The following GABRG3 variants were observed in gnomAD, a reference collection of about 807,000 sequenced individuals.
The protein encoded by GABRG3 is gamma-aminobutyric acid type A receptor subunit gamma3.
In GABRG3, 25 loss-of-function variants were observed where a neutral mutation model predicts 48.8. That is an observed-to-expected ratio of 0.51 (90% CI 0.37 to 0.72). The LOEUF (loss-of-function observed/expected upper bound fraction) is 0.72. GABRG3 is among the 30% of genes least tolerant of loss of function. The probability of loss-of-function intolerance (pLI) is 0.00; values close to 1 mark genes in which losing one functional copy is unlikely to be tolerated. For synonymous variants in GABRG3, 227 were observed against 217.6 expected, an observed-to-expected ratio of 1.04 and a Z score of -0.38; for missense variants, 394 against 577.9, an observed-to-expected ratio of 0.68 and a Z score of 3.26.
rs75066429 is a variant in GABRG3 at position 27,296,219 on chromosome 15, G to A, written c.271-30590G>A. Among the ~76,000 whole-genome samples, 714 of 152,252 alleles carry A rather than the reference G, an allele frequency of 4.7e-3. 8 individuals carry two copies. The highest frequency in any genetic ancestry group is 0.016 in the African/African-American group (674 of 41,518). On this transcript the variant is annotated intron_variant, in intron 3 of 9. Transcript: ENST00000615808. ...TTAAATCCACATGAAAAAGGCAAAG[G>A]CATGAGTAATGTGATTATGTAATTA...
intron 3 of GABRG3, among the ~76,000 whole-genome samples, chr15:27,200,747 T>C (rs1888654927): frequency 6.6e-6 from 1 of 152,098 alleles, no homozygotes; most frequent in Admixed American, 6.5e-5. Context: ...TATGGTGATG[T>C]CTCAATAACA....
rs554800509 is a variant in GABRG3 at position 27,540,856 on chromosome 15, T to A, written c.*7975T>A. On this transcript the variant is annotated 3_prime_UTR_variant, in exon 10 of 10. Transcript: ENST00000615808. ...TGTGTATTTGTGTCTGTACGTACAGTGGTAAAACTGAAACAACTTATTAAT... is the reference window on the plus strand; with the variant it reads ...TGTGTATTTGTGTCTGTACGTACAGAGGTAAAACTGAAACAACTTATTAAT... The A allele has an allele frequency of 6.6e-6, 1 of 152,188 alleles. No homozygotes were observed. 9.4% of individuals were successfully genotyped at this position (152,188 alleles called of 1,614,324 possible).
chr15:27,034,642 G>A (rs1896144377), intron 3 of GABRG3, among the ~76,000 whole-genome samples: 1 of 152,070 alleles, frequency 6.6e-6, no homozygotes, highest in African/African-American at 2.4e-5. Flanking sequence ...AAAGGCTTTC[G>A]AGCCTGAGAT....
At position 27,134,193 on chromosome 15, in the gene GABRG3, G is replaced by C. The variant is rs563968549; in HGVS notation, c.270+107372G>C. On this transcript the variant is annotated intron_variant, in intron 3 of 9. Transcript: ENST00000615808. ...CGAATGTTAGGAAATGGCCTTGGCTGTGAACATGATTGGCCTGAGACCAGG... is the reference window on the plus strand; with the variant it reads ...CGAATGTTAGGAAATGGCCTTGGCTCTGAACATGATTGGCCTGAGACCAGG... Among the ~76,000 whole-genome samples the C allele has an allele frequency of 6.7e-4, 102 of 152,162 alleles. 2 individuals carry two copies. The highest frequency in any genetic ancestry group is 1.0e-3 in the Non-Finnish European group (70 of 68,034).
intron 3 of GABRG3, among the ~76,000 whole-genome samples, chr15:27,050,594 G>A (rs1027120711): frequency 1.3e-5 from 2 of 152,142 alleles, no homozygotes; most frequent in African/African-American, 2.4e-5. Flanking sequence ...AGATTTCCTC[G>A]AATACCTAAA....
chr15:27,014,359 A>G (rs1196153790), intron 2 of GABRG3, among the ~76,000 whole-genome samples: 1 of 119,890 alleles, frequency 8.3e-6, no homozygotes. Flanking sequence ...TTTTTTTTTT[A>G]GTTTTTTGAG....
chr15:27,305,646 A>G (rs1466146659), intron 3 of GABRG3, among the ~76,000 whole-genome samples: 1 of 128,210 alleles, frequency 7.8e-6, no homozygotes, highest in African/African-American at 2.9e-5. Context: ...CTATATGTTT[A>G]TATATAAACA....
At chr15:27,094,608 G>T (rs1419636173) in intron 3 of GABRG3, among the ~76,000 whole-genome samples, 1 of 152,160 alleles carries the variant, frequency 6.6e-6, no homozygotes, top group East Asian at 1.9e-4. Context: ...GCAGGGAGCA[G>T]GGAGAGCCTT....
intron 3 of GABRG3, among the ~76,000 whole-genome samples, chr15:27,274,211 C>T (rs559115020): frequency 2.6e-4 from 39 of 152,252 alleles, no homozygotes; most frequent in South Asian, 8.3e-4. Flanking sequence ...TTGCATGGTC[C>T]GACTGCTTGT....
Position 27,536,090 on chromosome 15 carries a change from A to T in GABRG3, c.*3209A>T, listed in dbSNP as rs570528994. The T allele has an allele frequency of 6.6e-6, 1 of 152,346 alleles. No individual in the cohort carries two copies. Among genetic ancestry groups the T allele is most frequent in the Non-Finnish European group, 1.5e-5 (1 of 68,034 alleles). The allele number at this position is 152,346 out of a possible 1,614,324, so 9.4% of individuals were successfully genotyped here. On this transcript the variant is annotated 3_prime_UTR_variant, in exon 10 of 10. Coordinates refer to ENST00000615808, the MANE Select transcript of GABRG3 (RefSeq NM_033223.5). The stretch of plus-strand genomic sequence containing the variant: ...GAGGAGATGACAGTTCTGTATTTTG[A>T]CATGGAATCCAAATTTCTGACCACT...
At chr15:27,167,864 G>A (rs1438534671) in intron 3 of GABRG3, among the ~76,000 whole-genome samples, 1 of 152,168 alleles carries the variant, frequency 6.6e-6, no homozygotes, top group African/African-American at 2.4e-5. Context: ...GGGTGGAGGT[G>A]CGATCAAGGC....
intron 3 of GABRG3, among the ~76,000 whole-genome samples, chr15:27,321,194 G>A (rs1421562581): frequency 6.6e-6 from 1 of 152,204 alleles, no homozygotes; most frequent in African/African-American, 2.4e-5. Flanking sequence ...CCCTCCCCTG[G>A]TGCGGGGCCT....
At chr15:27,026,153 G>A (rs904081261) in intron 2 of GABRG3, among the ~76,000 whole-genome samples, 17 of 152,190 alleles carry the variant, frequency 1.1e-4, no homozygotes, top group African/African-American at 2.9e-4. Context: ...ACATTCCATT[G>A]TGTTTTGAGT....
chr15:27,113,502 G>A (rs1332050710), intron 3 of GABRG3, among the ~76,000 whole-genome samples: 1 of 152,080 alleles, frequency 6.6e-6, no homozygotes, highest in Non-Finnish European at 1.5e-5. Context: ...GAGGGCTGGG[G>A]GTGATGCTCT....
intron 3 of GABRG3, among the ~76,000 whole-genome samples, chr15:27,315,867 CCTT>C (rs1893195449): frequency 6.6e-6 from 1 of 152,152 alleles, no homozygotes; most frequent in Non-Finnish European, 1.5e-5. Context: ...GTTCATTTCT[CCTT>C]ATGTAGCTCA....
At chr15:27,355,405 A>C in intron 5 of GABRG3, among the ~76,000 whole-genome samples, 1 of 152,236 alleles carries the variant, frequency 6.6e-6, no homozygotes, top group East Asian at 1.9e-4. Context: ...CATGAGGGAA[A>C]TGTAAAATCA....
At position 27,110,888 on chromosome 15, in the gene GABRG3, G is replaced by A. The variant is rs547907519; in HGVS notation, c.270+84067G>A. ...GTGGGTTATTTTTGGTATTTTTCCT[G>A]CTCAGTGTTTGATGAGCTTTCTGTA... is the stretch of plus-strand genomic sequence containing the variant. On this transcript the variant is annotated intron_variant, in intron 3 of 9. Coordinates refer to ENST00000615808, the MANE Select transcript of GABRG3 (RefSeq NM_033223.5). Among the ~76,000 whole-genome samples, 5 of 152,176 alleles carry A rather than the reference G, an allele frequency of 3.3e-5. No homozygotes were observed. The East Asian group carries it at 9.7e-4, about 29-fold the overall frequency.
chr15:27,426,628 C>T (rs1216246575), intron 5 of GABRG3, among the ~76,000 whole-genome samples: 1 of 152,000 alleles, frequency 6.6e-6, no homozygotes, highest in Non-Finnish European at 1.5e-5. Flanking sequence ...GCCTGGACAA[C>T]ATAATAAGAC....
chr15:27,114,091 T>A (rs1897601922), intron 3 of GABRG3, among the ~76,000 whole-genome samples: 1 of 152,260 alleles, frequency 6.6e-6, no homozygotes, highest in Admixed American at 6.5e-5. Flanking sequence ...TTCCAAGACC[T>A]TTGGATATAC....
Sources: allele counts gnomAD v4.1 joint callset (sites outside exome capture counted in the v4.1 genomes callset), GRCh38; gene constraint gnomAD v4.1.1; transcripts MANE v1.5; gene names NCBI Gene and HGNC (gene_info 2026-07-23, HGNC 2026-07-21).